The following TIAM1 variants were observed in gnomAD, a reference collection of about 807,000 sequenced individuals.
The protein encoded by TIAM1 is TIAM Rac1 associated GEF 1.
A neutral mutation model predicts 163.5 loss-of-function variants in TIAM1; 65 were observed. The ratio of observed to expected loss-of-function variants is 0.40; its 90% confidence interval spans 0.33 to 0.49. The LOEUF (loss-of-function observed/expected upper bound fraction) is 0.49. Among genes scored for constraint, TIAM1 ranks in the 20% least tolerant of loss-of-function variants. The pLI, the probability that TIAM1 is intolerant of heterozygous loss-of-function variation, is 0.77. For synonymous variants in TIAM1, 833 were observed against 810.1 expected (o/e 1.03, Z -0.48); for missense variants, 1,789 against 2,044.7 (o/e 0.87, Z 2.41).
intron 5 of TIAM1, among the ~76,000 whole-genome samples, chr21:31,247,306 G>A (rs779173544): frequency 1.3e-5 from 2 of 151,996 alleles, no homozygotes; most frequent in African/African-American, 4.8e-5. Flanking sequence ...GCAAGACCCT[G>A]TCACAAAAAA....
intron 2 of TIAM1, among the ~76,000 whole-genome samples, chr21:31,277,926 T>C (rs1023754292): frequency 6.6e-6 from 1 of 152,096 alleles, no homozygotes; most frequent in African/African-American, 2.4e-5. Context: ...AATAAATAAA[T>C]ACACACCAGC....
Position 31,365,387 on chromosome 21 carries a change from C to CTTTTTTTTTTTTT in TIAM1, c.-368-25978_-368-25966dup, listed in dbSNP as rs772457613. 3.1e-5 allele frequency among the ~76,000 whole-genome samples: 4 copies of CTTTTTTTTTTTTT among 128,802 alleles called. 1 individual carries two copies. The highest frequency in any genetic ancestry group is 8.2e-5 in the Admixed American group (1 of 12,182). 84.5% of individuals were successfully genotyped at this position (128,802 alleles called of 152,430 possible). A position where few individuals can be genotyped will look rare whatever the true frequency, so the allele number is the denominator to read the frequency against. ...GGGTCTGTGTCTCACTTATTTCTTT[C>CTTTTTTTTTTTTT]TTTTTTTTTTTTTTTTTTTGAGAGG... On this transcript the variant is annotated intron_variant, in intron 2 of 28. Coordinates refer to the TIAM1 transcript ENST00000286827.
At chr21:31,475,627 G>T (rs2045913520) in intron 1 of TIAM1, among the ~76,000 whole-genome samples, 1 of 152,158 alleles carries the variant, frequency 6.6e-6, no homozygotes, top group Non-Finnish European at 1.5e-5. Context: ...ATCATGGCCA[G>T]CTGGGTCTAG....
chr21:31,464,006 G>A (rs9977815), exon 2 of TIAM1: 67,941 of 152,000 alleles, frequency 0.45, 15,782 homozygotes, highest in East Asian at 0.66. Flanking sequence ...GGCTTCTGAA[G>A]CTGTTTACAT....
intron 20 of TIAM1, among the ~76,000 whole-genome samples, chr21:31,145,965 C>T (rs141391580): frequency 8.9e-4 from 135 of 152,216 alleles, no homozygotes; most frequent in Non-Finnish European, 1.6e-3. Flanking sequence ...TTTCCAAGAA[C>T]CTGTCGACAA....
At chr21:31,355,089 A>G (rs1234454868) in intron 2 of TIAM1, among the ~76,000 whole-genome samples, 1 of 151,386 alleles carries the variant, frequency 6.6e-6, no homozygotes, top group African/African-American at 2.4e-5. Context: ...ATAACTTTCC[A>G]TTGGCAAAAA....
chr21:31,199,532 A>T (rs986020090), intron 12 of TIAM1, among the ~76,000 whole-genome samples: 4 of 139,480 alleles, frequency 2.9e-5, no homozygotes, highest in South Asian at 4.6e-4. Context: ...AGCCTAGAAC[A>T]TTTTTTTTTT....
chr21:31,497,644 A>T (rs2046710244), intron 1 of TIAM1, among the ~76,000 whole-genome samples: 1 of 152,240 alleles, frequency 6.6e-6, no homozygotes, highest in South Asian at 2.1e-4. Flanking sequence ...TTGTGTATTC[A>T]AAATATAAAT....
chr21:31,213,866 CAAAAAAA>C (rs35524539), intron 9 of TIAM1, among the ~76,000 whole-genome samples: 3 of 54,878 alleles, frequency 5.5e-5, no homozygotes, highest in Non-Finnish European at 1.3e-4. Flanking sequence ...CTCATCTCTA[CAAAAAAA>C]AAAAAAAAAA....
chr21:31,214,411 T>C (rs761465969), intron 9 of TIAM1, among the ~76,000 whole-genome samples: 22 of 152,106 alleles, frequency 1.4e-4, no homozygotes, highest in Non-Finnish European at 2.9e-4. Context: ...AGCAATGAGC[T>C]AGATAAACTC....
chr21:31,174,497 G>A (rs2084670557), intron 15 of TIAM1, among the ~76,000 whole-genome samples: 1 of 152,140 alleles, frequency 6.6e-6, no homozygotes, highest in African/African-American at 2.4e-5. Context: ...CTCCAGCGCT[G>A]GCCCTAATTG....
At chr21:31,337,723 G>A (rs1389511777) in intron 2 of TIAM1, among the ~76,000 whole-genome samples, 1 of 151,748 alleles carries the variant, frequency 6.6e-6, no homozygotes, top group Non-Finnish European at 1.5e-5. Context: ...TAGAGACAGG[G>A]TTTCACCATG....
chr21:31,218,556 G>A (rs542640556), intron 8 of TIAM1, among the ~76,000 whole-genome samples: 39 of 145,990 alleles, frequency 2.7e-4, no homozygotes, highest in South Asian at 9.2e-4. Context: ...GCGACAGAAC[G>A]AGACTCTTTC....
chr21:31,404,936 T>C (rs1258651064), intron 2 of TIAM1, among the ~76,000 whole-genome samples: 2 of 152,182 alleles, frequency 1.3e-5, no homozygotes, highest in Non-Finnish European at 2.9e-5. Context: ...TATTTTGATA[T>C]TGGCCCTTAA....
intron 2 of TIAM1, among the ~76,000 whole-genome samples, chr21:31,296,802 T>C (rs2019270): frequency 0.24 from 35,969 of 152,100 alleles, 4,876 homozygotes; most frequent in South Asian, 0.37. Context: ...TAGCTGGGAC[T>C]ACAGGCATGT....
At chr21:31,471,500 CG>C (rs2045740463) in intron 1 of TIAM1, among the ~76,000 whole-genome samples, 1 of 151,974 alleles carries the variant, frequency 6.6e-6, no homozygotes, top group Non-Finnish European at 1.5e-5. Flanking sequence ...GGGGTGATCA[CG>C]GGTACAAACA....
intron 2 of TIAM1, among the ~76,000 whole-genome samples, chr21:31,459,290 T>C (rs867698459): frequency 2.4e-4 from 36 of 152,246 alleles, no homozygotes; most frequent in African/African-American, 7.7e-4. Flanking sequence ...TTTTTTTATT[T>C]TTTCATAGAG....
Position 31,129,668 on chromosome 21 carries a change from T to C in TIAM1, c.4045+545A>G, listed in dbSNP as rs747340437. On this transcript the variant is annotated intron_variant, in intron 25 of 27. Transcript: ENST00000541036. ...GAGCAATGGAATGAGACCCCATCTTTAAAAAAATTAAAATCAATGTAAAAA... is the reference window on the plus strand; with the variant it reads ...GAGCAATGGAATGAGACCCCATCTTCAAAAAAATTAAAATCAATGTAAAAA... Among the ~76,000 whole-genome samples, 18 of 152,276 alleles carry C rather than the reference T, an allele frequency of 1.2e-4. 1 individual carries two copies. Among genetic ancestry groups the C allele is most frequent in the Middle Eastern group, 6.8e-3 (2 of 294 alleles).
chr21:31,428,757 C>CTACA (rs907357552), intron 2 of TIAM1, among the ~76,000 whole-genome samples: 152 of 151,960 alleles, frequency 1.0e-3, no homozygotes, highest in African/African-American at 3.6e-3. Flanking sequence ...ATGGCACATG[C>CTACA]CTGTAGTCTC....
Sources: allele counts gnomAD v4.1 joint callset (sites outside exome capture counted in the v4.1 genomes callset), GRCh38; gene constraint gnomAD v4.1.1; transcripts MANE v1.5; gene names NCBI Gene and HGNC (gene_info 2026-07-23, HGNC 2026-07-21).